FNDC3B: variants seen among roughly 807,000 people sequenced by gnomAD.
FNDC3B encodes fibronectin type III domain containing 3B.
A neutral mutation model predicts 151.5 loss-of-function variants in FNDC3B; 12 were observed. The observed-to-expected ratio is 0.08, with a 90% confidence interval of 0.05 to 0.13. The LOEUF (loss-of-function observed/expected upper bound fraction) is 0.13. FNDC3B is among the 10% of genes least tolerant of loss of function. The pLI, the probability that FNDC3B is intolerant of heterozygous loss-of-function variation, is 1.00. For missense variants in FNDC3B, 1,214 were observed against 1,505.3 expected, an observed-to-expected ratio of 0.81 and a Z score of 3.20; for synonymous variants, 528 against 549.0, an observed-to-expected ratio of 0.96 and a Z score of 0.54.
chr3:172,159,604 A>G (rs1170848668), intron 3 of FNDC3B, among the ~76,000 whole-genome samples: 2 of 152,204 alleles, frequency 1.3e-5, no homozygotes. Flanking sequence ...AATATTCAGA[A>G]AAGTGAATAT....
intron 1 of FNDC3B, among the ~76,000 whole-genome samples, chr3:172,091,871 GGGGT>G (rs1718846265): frequency 3.8e-5 from 1 of 26,330 alleles, no homozygotes. Context: ...TGACTTTACT[GGGGT>G]GTGTGTGTGT....
At chr3:172,216,074 G>T (rs1017458786) in intron 3 of FNDC3B, among the ~76,000 whole-genome samples, 1 of 152,150 alleles carries the variant, frequency 6.6e-6, no homozygotes, top group East Asian at 1.9e-4. Context: ...TGCCCTTCAT[G>T]TGCCAAAGAG....
At chr3:172,208,202 A>G (rs969826048) in intron 3 of FNDC3B, among the ~76,000 whole-genome samples, 6 of 152,166 alleles carry the variant, frequency 3.9e-5, no homozygotes, top group African/African-American at 1.4e-4. Flanking sequence ...GGAAAGAAAA[A>G]CCGAAGGTGT....
chr3:172,274,390 G>C (rs568041185), intron 6 of FNDC3B, among the ~76,000 whole-genome samples: 2 of 152,258 alleles, frequency 1.3e-5, no homozygotes, highest in South Asian at 4.2e-4. Context: ...ACAGGAGATG[G>C]CAGGAGAAGA....
At chr3:172,119,735 G>A (rs1278574368) in intron 2 of FNDC3B, among the ~76,000 whole-genome samples, 1 of 152,156 alleles carries the variant, frequency 6.6e-6, no homozygotes, top group East Asian at 1.9e-4. Flanking sequence ...TTGAACTTCT[G>A]CTACTTAGTG....
chr3:172,289,710 C>T (rs1730220977), intron 7 of FNDC3B, among the ~76,000 whole-genome samples: 1 of 152,178 alleles, frequency 6.6e-6, no homozygotes. Flanking sequence ...TAGCTGGGTT[C>T]TGGCCGGGGG....
At chr3:172,394,106 T>TAAAAAAAAAAAAAAAAAAAAAAAAAAA (rs60559371) in intron 25 of FNDC3B, among the ~76,000 whole-genome samples, 3 of 16,644 alleles carry the variant, frequency 1.8e-4, no homozygotes, top group African/African-American at 2.2e-4. Context: ...AGACTCCTTC[T>TAAAAAAAAAAAAAAAAAAAAAAAAAAA]AAAAAAAAAA....
At chr3:172,084,054 C>G (rs1718422165) in intron 1 of FNDC3B, among the ~76,000 whole-genome samples, 1 of 152,046 alleles carries the variant, frequency 6.6e-6, no homozygotes. Context: ...TGCCACAGTT[C>G]TGTGGCCTTT....
chr3:172,289,088 A>G (rs1254178168), intron 7 of FNDC3B, among the ~76,000 whole-genome samples: 2 of 152,244 alleles, frequency 1.3e-5, no homozygotes, highest in Non-Finnish European at 2.9e-5. Flanking sequence ...TCTAGAGGCC[A>G]GAAAGTCCAA....
At chr3:172,095,010 A>G (rs753389433) in intron 1 of FNDC3B, among the ~76,000 whole-genome samples, 10 of 151,938 alleles carry the variant, frequency 6.6e-5, no homozygotes, top group African/African-American at 1.9e-4. Flanking sequence ...GGAAAGGAAG[A>G]GTCAGAGGTA....
chr3:172,181,460 A>T (rs914359005), intron 3 of FNDC3B, among the ~76,000 whole-genome samples: 2 of 151,604 alleles, frequency 1.3e-5, no homozygotes, highest in African/African-American at 4.9e-5. Flanking sequence ...GTCAAGTAGA[A>T]TGTTGGCCCG....
chr3:172,329,177 A>G (rs777218639), intron 12 of FNDC3B, 101 bp downstream of exon 12: 46 of 1,318,564 alleles, frequency 3.5e-5, no homozygotes, highest in Non-Finnish European at 4.8e-5. Context: ...CTGCCTCCAC[A>G]CTAAATCAAC....
chr3:172,171,961 T>C (rs1267041437), intron 3 of FNDC3B, among the ~76,000 whole-genome samples: 1 of 152,110 alleles, frequency 6.6e-6, no homozygotes, highest in Non-Finnish European at 1.5e-5. Context: ...GCAAAATAGG[T>C]ATGCTGTGGT....
chr3:172,251,150 G>A, intron 5 of FNDC3B, 110 bp from the exon 6 acceptor site: 1 of 849,810 alleles, frequency 1.2e-6, no homozygotes, highest in Non-Finnish European at 1.8e-6. Context: ...TAATACTTTA[G>A]ACTTCCTTTA....
rs202187099 is a variant in FNDC3B at position 172,347,308 on chromosome 3, C to T, written c.2461C>T (p.Arg821Cys). ...LELIYHGTDT[R>C]FEIRDLLPAA... The stretch of plus-strand genomic sequence containing the variant: ...ACTCATTTATCATGGGACAGACACC[C>T]GTTTTGAAATAAGAGACCTGTTGCC... Residue 821 changes from arginine (R) to cysteine (C), a missense_variant, in exon 21 of 26, where the codon CGT (arginine) becomes TGT (cysteine). Arg to Cys is a radical substitution (Grantham distance 180). Transcript: ENST00000415807. The T allele has an allele frequency of 9.8e-5, 158 of 1,613,762 alleles. No homozygotes were observed. The highest frequency in any genetic ancestry group is 4.9e-4 in the Middle Eastern group (3 of 6,084).
intron 10 of FNDC3B, among the ~76,000 whole-genome samples, chr3:172,308,920 A>G (rs7613643): frequency 0.21 from 32,455 of 152,108 alleles, 3,850 homozygotes; most frequent in African/African-American, 0.3. Flanking sequence ...ATAAGAACTC[A>G]TCTTTAGATG....
chr3:172,160,680 GTA>G (rs1448139651), intron 3 of FNDC3B, among the ~76,000 whole-genome samples: 2 of 152,192 alleles, frequency 1.3e-5, no homozygotes, highest in Non-Finnish European at 2.9e-5. Flanking sequence ...GTATTTTAAA[GTA>G]TACTCATCTA....
chr3:172,237,619 CA>C (rs1283295379), intron 4 of FNDC3B: 2 of 152,226 alleles, frequency 1.3e-5, no homozygotes, highest in Non-Finnish European at 2.9e-5. Flanking sequence ...AATAAAGCAC[CA>C]ATGGGATGGG....
chr3:172,284,875 C>T (rs1729929081), intron 6 of FNDC3B, among the ~76,000 whole-genome samples: 2 of 151,530 alleles, frequency 1.3e-5, no homozygotes, highest in Non-Finnish European at 1.5e-5. Context: ...ATCTCGCTAG[C>T]GTTTAGCTCA....
Sources: allele counts gnomAD v4.1 joint callset (sites outside exome capture counted in the v4.1 genomes callset), GRCh38; gene constraint gnomAD v4.1.1; transcripts MANE v1.5; gene names NCBI Gene and HGNC (gene_info 2026-07-23, HGNC 2026-07-21).